The following ANKRD9 variants were observed in gnomAD, a reference collection of about 807,000 sequenced individuals.
The protein encoded by ANKRD9 is ankyrin repeat domain 9.
Under a neutral mutation model 19.2 loss-of-function variants are expected in ANKRD9, and 13 were observed. The observed-to-expected ratio is 0.68, with a 90% confidence interval of 0.44 to 1.08. The LOEUF is 1.08. Among genes scored for constraint, ANKRD9 ranks in the 50% least tolerant of loss-of-function variants. ANKRD9 has a pLI of 0.00. For synonymous variants in ANKRD9, 278 were observed against 256.8 expected, an observed-to-expected ratio of 1.08 and a Z score of -0.79; for missense variants, 518 against 499.9, an observed-to-expected ratio of 1.04 and a Z score of -0.34.
chr14:102,502,389 G>C lies in ANKRD9; in HGVS notation c.*4547C>G, dbSNP rs1555456087. On this transcript the variant is annotated 3_prime_UTR_variant, in exon 4 of 4. Coordinates refer to ENST00000286918, the MANE Select transcript of ANKRD9 (RefSeq NM_152326.4). Reference sequence around the variant, plus strand: ...CAGCAGCTGGTCATAGTGGTTGCCTGGAGTATATGCCTTTTTGTATCCTTT... The same window carrying C: ...CAGCAGCTGGTCATAGTGGTTGCCTCGAGTATATGCCTTTTTGTATCCTTT... The C allele has an allele frequency of 6.6e-6, 1 of 152,636 alleles. No individual in the cohort carries two copies. The highest frequency in any genetic ancestry group is 1.5e-5 in the Non-Finnish European group (1 of 68,040). The allele number at this position is 152,636 out of a possible 1,614,324, so 9.5% of individuals were successfully genotyped here. A position where few individuals can be genotyped will look rare whatever the true frequency, so the allele number is the denominator to read the frequency against.
At position 102,507,362 on chromosome 14, in the gene ANKRD9, G is replaced by A. The variant is rs751232389; in HGVS notation, c.528C>T (p.Phe176=). The part of the protein sequence containing the change: ...ACELARPECL[F]LLLGHGASPG... ...GCGAGGCGCCGTGGCCCAGCAGCAGGAAGAGGCACTCGGGGCGCGCCAGCT... is the reference window on the plus strand; with the variant it reads ...GCGAGGCGCCGTGGCCCAGCAGCAGAAAGAGGCACTCGGGGCGCGCCAGCT... Residue 176 remains phenylalanine (F), a synonymous_variant, in exon 4 of 4, where the codon TTC becomes TTT. Transcript: ENST00000286918. This position sits in a 1 kb window ranked among gnomAD's most constrained non-coding sequence, Gnocchi z 9.2. 4.5e-3 allele frequency: 5,941 copies of A among 1,332,784 alleles called. 57 individuals are homozygous for A. Among genetic ancestry groups the A allele is most frequent in the Non-Finnish European group, 4.0e-3 (4,151 of 1,039,228 alleles). The allele number at this position is 1,332,784 out of a possible 1,614,324, so 82.6% of individuals were successfully genotyped here. A position where few individuals can be genotyped will look rare whatever the true frequency, so the allele number is the denominator to read the frequency against.
Position 102,507,646 on chromosome 14 carries a change from G to A in ANKRD9, c.244C>T (p.His82Tyr). The change falls in exon 4 of 4, where the codon CAC (histidine) becomes TAC (tyrosine). Residue 82 changes from histidine (H) to tyrosine (Y), a missense_variant. Coordinates refer to ENST00000286918, the MANE Select transcript of ANKRD9 (RefSeq NM_152326.4). This position sits in a 1 kb window ranked among gnomAD's most constrained non-coding sequence, Gnocchi z 9.2. Reference protein sequence around the residue: ...PSEALLYALVHDHQAYAHYLL... With the variant: ...PSEALLYALVYDHQAYAHYLL... ...TAATGCGCGTACGCTTGGTGGTCGT[G>A]CACGAGCGCGTAGAGCAGCGCCTCA... 2 of 1,542,810 alleles carry A rather than the reference G, an allele frequency of 1.3e-6. No homozygotes were observed. The highest frequency in any genetic ancestry group is 1.7e-6 in the Non-Finnish European group (2 of 1,149,526).
rs56398423 is a variant in ANKRD9, at chr14:102,502,620, A to G, written c.*4316T>C. On this transcript the variant is annotated 3_prime_UTR_variant, in exon 4 of 4. Transcript: ENST00000286918. ...ACTACATTAAGGTTAAAAAAATACT[A>G]AATTGTGTAACTGATCTGGTTTCAT... is the stretch of plus-strand genomic sequence containing the variant. The G allele has an allele frequency of 0.022, 3,407 of 152,396 alleles. 57 individuals are homozygous for G. Among genetic ancestry groups the G allele is most frequent in the African/African-American group, 0.034 (1,410 of 41,560 alleles). 9.4% of individuals were successfully genotyped at this position (152,396 alleles called of 1,614,324 possible).
Position 102,506,822 on chromosome 14 carries a change from T to TGGGG in ANKRD9, c.*113_*114insCCCC, listed in dbSNP as rs1891600187. 1.8e-5 allele frequency: 22 copies of TGGGG among 1,255,808 alleles called. No homozygotes were observed. Among genetic ancestry groups the TGGGG allele is most frequent in the Non-Finnish European group, 2.2e-5 (22 of 995,132 alleles). 77.8% of individuals were successfully genotyped at this position (1,255,808 alleles called of 1,614,324 possible). Reference sequence around the variant, plus strand: ...CCATCCAAGCCCAGCCCCCAGTGCATGCGACAGATGAGGCAGAGATTGTGC... The same window carrying TGGGG: ...CCATCCAAGCCCAGCCCCCAGTGCATGGGGGCGACAGATGAGGCAGAGATTGTGC... On this transcript the variant is annotated 3_prime_UTR_variant, in exon 4 of 4. Coordinates refer to ENST00000286918, the MANE Select transcript of ANKRD9 (RefSeq NM_152326.4).
chr14:102,507,153 G>C lies in ANKRD9; in HGVS notation c.737C>G (p.Ser246Trp). Residue 246 changes from serine (S) to tryptophan (W), a missense_variant, in exon 4 of 4, where the codon TCG (serine) becomes TGG (tryptophan). By Grantham distance (177) the Ser-to-Trp change is radical. Coordinates refer to ENST00000286918, the MANE Select transcript of ANKRD9 (RefSeq NM_152326.4). The surrounding 1 kb of genome is among the most constrained non-coding windows in gnomAD (Gnocchi z 9.2). ...GTCGCCCAGCAGCTCCTGGCGGGCC[G>C]AGCCGGCGGCACCCACGGGGGTGTA... is the stretch of plus-strand genomic sequence containing the variant. ...ALYTPVGAAGSARQELLGDRP... is the reference protein window; with the variant it reads ...ALYTPVGAAGWARQELLGDRP... 1 of 1,426,824 alleles carries C rather than the reference G, an allele frequency of 7.0e-7. No individual in the cohort carries two copies. Among genetic ancestry groups the C allele is most frequent in the Non-Finnish European group, 9.1e-7 (1 of 1,097,860 alleles). 88.4% of individuals were successfully genotyped at this position (1,426,824 alleles called of 1,614,324 possible).
Position 102,505,833 on chromosome 14 carries a change from T to C in ANKRD9, c.*1103A>G, listed in dbSNP as rs942023. ...CAGGTGCCCCCCACCAGGATAGTGG[T>C]TCTTCCTCCTGCAGACCTTCAGCCC... On this transcript the variant is annotated 3_prime_UTR_variant, in exon 4 of 4. Coordinates refer to ENST00000286918, the MANE Select transcript of ANKRD9 (RefSeq NM_152326.4). The C allele has an allele frequency of 0.7, 106,780 of 152,220 alleles. 38,100 individuals are homozygous for C. Among genetic ancestry groups the C allele is most frequent in the African/African-American group, 0.83 (34,309 of 41,462 alleles). The allele number at this position is 152,220 out of a possible 1,614,324, so 9.4% of individuals were successfully genotyped here. A position where few individuals can be genotyped will look rare whatever the true frequency, so the allele number is the denominator to read the frequency against.
Position 102,507,673 on chromosome 14 carries a change from A to G in ANKRD9, c.217T>C (p.Ser73Pro), listed in dbSNP as rs1354903456. 5 of 1,555,830 alleles carry G rather than the reference A, an allele frequency of 3.2e-6. No individual in the cohort carries two copies. Among genetic ancestry groups the G allele is most frequent in the Non-Finnish European group, 3.5e-6 (4 of 1,156,534 alleles). ...ERGRAAAYSP[S>P]EALLYALVHD... ...ACGAGCGCGTAGAGCAGCGCCTCAG[A>G]GGGCGAGTAGGCGGCGGCGCGCCCG... The change falls in exon 4 of 4, where the codon TCT (serine) becomes CCT (proline). Residue 73 changes from serine (S) to proline (P), a missense_variant. Ser to Pro is a moderately conservative substitution (Grantham distance 74, BLOSUM62 -1). Coordinates refer to ENST00000286918, the MANE Select transcript of ANKRD9 (RefSeq NM_152326.4). This position sits in a 1 kb window ranked among gnomAD's most constrained non-coding sequence, Gnocchi z 9.2.
In ANKRD9 at chr14:102,503,074, G is replaced by C. The variant is rs1035444446; in HGVS notation, c.*3862C>G. On this transcript the variant is annotated 3_prime_UTR_variant, in exon 4 of 4. Coordinates refer to ENST00000286918, the MANE Select transcript of ANKRD9 (RefSeq NM_152326.4). ...CTACAAATACAAAAATTAGCCGGGC[G>C]TGGTGGCCAGCGCCTGTAATCCCAG... is the stretch of plus-strand genomic sequence containing the variant. The C allele has an allele frequency of 6.6e-6, 1 of 151,808 alleles. No homozygotes were observed. The highest frequency in any genetic ancestry group is 2.4e-5 in the African/African-American group (1 of 41,350). The allele number at this position is 151,808 out of a possible 1,614,324, so 9.4% of individuals were successfully genotyped here. A position where few individuals can be genotyped will look rare whatever the true frequency, so the allele number is the denominator to read the frequency against.
rs1046766949 is a variant in ANKRD9, at chr14:102,502,764, G to C, written c.*4172C>G. 1.3e-5 allele frequency: 2 copies of C among 152,230 alleles called. No homozygotes were observed. The highest frequency in any genetic ancestry group is 4.8e-5 in the African/African-American group (2 of 41,462). The allele number at this position is 152,230 out of a possible 1,614,324, so 9.4% of individuals were successfully genotyped here. ...TGCGTGCAGATGACGCACTCAGTCA[G>C]CGCCTTTACTTGTACGTGAGCGCTT... On this transcript the variant is annotated 3_prime_UTR_variant, in exon 4 of 4. Coordinates refer to ENST00000286918, the MANE Select transcript of ANKRD9 (RefSeq NM_152326.4).
rs988742992 is a variant in ANKRD9, at chr14:102,502,677, A to C, written c.*4259T>G. The C allele has an allele frequency of 6.6e-6, 1 of 152,212 alleles. No individual in the cohort carries two copies. The highest frequency in any genetic ancestry group is 1.5e-5 in the Non-Finnish European group (1 of 68,036). 9.4% of individuals were successfully genotyped at this position (152,212 alleles called of 1,614,324 possible). ...ATAAATATACACAGAAAAAAATGTA[A>C]TATATATCTGCACAGAAAAAAGCTG... is the stretch of plus-strand genomic sequence containing the variant. On this transcript the variant is annotated 3_prime_UTR_variant, in exon 4 of 4. Coordinates refer to ENST00000286918, the MANE Select transcript of ANKRD9 (RefSeq NM_152326.4).
Position 102,507,668 on chromosome 14 carries a change from C to G in ANKRD9, c.222G>C (p.Glu74Asp). Reference protein sequence around the residue: ...RGRAAAYSPSEALLYALVHDH... With the variant: ...RGRAAAYSPSDALLYALVHDH... Reference sequence around the variant, plus strand: ...CGTGCACGAGCGCGTAGAGCAGCGCCTCAGAGGGCGAGTAGGCGGCGGCGC... The same window carrying G: ...CGTGCACGAGCGCGTAGAGCAGCGCGTCAGAGGGCGAGTAGGCGGCGGCGC... Residue 74 changes from glutamate (E) to aspartate (D), a missense_variant, in exon 4 of 4, where the codon GAG (glutamate) becomes GAC (aspartate). Physicochemically the swap from Glu to Asp is conservative, Grantham distance 45 (BLOSUM62 2). Coordinates refer to ENST00000286918, the MANE Select transcript of ANKRD9 (RefSeq NM_152326.4). The surrounding 1 kb of genome is among the most constrained non-coding windows in gnomAD (Gnocchi z 9.2). The G allele has an allele frequency of 6.4e-7, 1 of 1,555,180 alleles. No individual in the cohort carries two copies. Among genetic ancestry groups the G allele is most frequent in the Non-Finnish European group, 8.7e-7 (1 of 1,155,868 alleles).
Position 102,507,804 on chromosome 14 carries a change from T to C in ANKRD9, c.86A>G (p.Gln29Arg), listed in dbSNP as rs1327440316. ...SGAARSRAQK[Q>R]CRKSSFAFYQ... ...GAAGGCGAACGACGACTTGCGGCACTGCTTCTGCGCTCGCGAGCGCGCCGC... is the reference window on the plus strand; with the variant it reads ...GAAGGCGAACGACGACTTGCGGCACCGCTTCTGCGCTCGCGAGCGCGCCGC... The change falls in exon 4 of 4, where the codon CAG (glutamine) becomes CGG (arginine). Residue 29 changes from glutamine (Q) to arginine (R), a missense_variant. Coordinates refer to ENST00000286918, the MANE Select transcript of ANKRD9 (RefSeq NM_152326.4). This position sits in a 1 kb window ranked among gnomAD's most constrained non-coding sequence, Gnocchi z 9.2. 4 of 1,446,984 alleles carry C rather than the reference T, an allele frequency of 2.8e-6. No homozygotes were observed. Among genetic ancestry groups the C allele is most frequent in the Middle Eastern group, 1.8e-4 (1 of 5,434 alleles). 89.6% of individuals were successfully genotyped at this position (1,446,984 alleles called of 1,614,324 possible).
chr14:102,508,087 C>T lies in ANKRD9; in HGVS notation c.-53-145G>A. The T allele has an allele frequency of 2.6e-6, 1 of 378,644 alleles. No individual in the cohort carries two copies. Among genetic ancestry groups the T allele is most frequent in the Non-Finnish European group, 3.8e-6 (1 of 260,434 alleles). 23.5% of individuals were successfully genotyped at this position (378,644 alleles called of 1,614,324 possible). A position where few individuals can be genotyped will look rare whatever the true frequency, so the allele number is the denominator to read the frequency against. On this transcript the variant is annotated intron_variant, in intron 3 of 3. Coordinates refer to ENST00000286918, the MANE Select transcript of ANKRD9 (RefSeq NM_152326.4). This position sits in a 1 kb window ranked among gnomAD's most constrained non-coding sequence, Gnocchi z 6.2. ...GCCTCGGCCAGGCCCTTCCAGTCAC[C>T]CTACAGCTCCATCTCTCCGACGCCC... is the stretch of plus-strand genomic sequence containing the variant.
At position 102,507,449 on chromosome 14, in the gene ANKRD9, C is replaced by G; in HGVS notation, c.441G>C (p.Val147=). The G allele has an allele frequency of 7.2e-7, 1 of 1,394,314 alleles. No individual in the cohort carries two copies. The highest frequency in any genetic ancestry group is 9.3e-7 in the Non-Finnish European group (1 of 1,070,048). 86.4% of individuals were successfully genotyped at this position (1,394,314 alleles called of 1,614,324 possible). A position where few individuals can be genotyped will look rare whatever the true frequency, so the allele number is the denominator to read the frequency against. The change falls in exon 4 of 4, where the codon GTG becomes GTC. Residue 147 remains valine, a synonymous_variant. Transcript: ENST00000286918. The surrounding 1 kb of genome is among the most constrained non-coding windows in gnomAD (Gnocchi z 9.2). ...CGCGGCTGCAGCCACGCCGGTCCAG[C>G]ACGCGCGCCCGCTCCTCGGCCGGGA... The part of the protein sequence containing the change: ...RDFPAEERAR[V]LDRRGCSRVE...
Position 102,507,666 on chromosome 14 carries a change from G to A in ANKRD9, c.224C>T (p.Ala75Val). The A allele has an allele frequency of 6.4e-7, 1 of 1,554,008 alleles. No individual in the cohort carries two copies. Among genetic ancestry groups the A allele is most frequent in the Non-Finnish European group, 8.7e-7 (1 of 1,155,230 alleles). The change falls in exon 4 of 4, where the codon GCG becomes GTG. Residue 75 changes from alanine (A) to valine (V), a missense_variant. Coordinates refer to ENST00000286918, the MANE Select transcript of ANKRD9 (RefSeq NM_152326.4). The surrounding 1 kb of genome is among the most constrained non-coding windows in gnomAD (Gnocchi z 9.2). ...GTCGTGCACGAGCGCGTAGAGCAGC[G>A]CCTCAGAGGGCGAGTAGGCGGCGGC... ...GRAAAYSPSEALLYALVHDHQ... is the reference protein window; with the variant it reads ...GRAAAYSPSEVLLYALVHDHQ...
In ANKRD9 at chr14:102,503,053, A is replaced by T. The variant is rs941637503; in HGVS notation, c.*3883T>A. ...CATGCTGAAACCCAGTCTCTACTAC[A>T]AATACAAAAATTAGCCGGGCGTGGT... On this transcript the variant is annotated 3_prime_UTR_variant, in exon 4 of 4. Coordinates refer to ENST00000286918, the MANE Select transcript of ANKRD9 (RefSeq NM_152326.4). 1.3e-5 allele frequency: 2 copies of T among 151,856 alleles called. No individual in the cohort carries two copies. Among genetic ancestry groups the T allele is most frequent in the Admixed American group, 1.3e-4 (2 of 15,222 alleles). The allele number at this position is 151,856 out of a possible 1,614,324, so 9.4% of individuals were successfully genotyped here. A position where few individuals can be genotyped will look rare whatever the true frequency, so the allele number is the denominator to read the frequency against.
Position 102,507,904 on chromosome 14 carries a change from G to C in ANKRD9, c.-15C>G. 9.0e-7 allele frequency: 1 copy of C among 1,108,700 alleles called. No homozygotes were observed. Among genetic ancestry groups the C allele is most frequent in the Non-Finnish European group, 1.1e-6 (1 of 899,502 alleles). The allele number at this position is 1,108,700 out of a possible 1,614,324, so 68.7% of individuals were successfully genotyped here. On this transcript the variant is annotated 5_prime_UTR_variant, in exon 4 of 4. Transcript: ENST00000286918. The surrounding 1 kb of genome is among the most constrained non-coding windows in gnomAD (Gnocchi z 9.2). ...TCCCACGGCATGCTGGCGGCGGGGC[G>C]TTCCTGGGCCTCAAGGCATGGATCC...
chr14:102,507,692 G>A lies in ANKRD9; in HGVS notation c.198C>T (p.Arg66=), dbSNP rs1462547346. The change falls in exon 4 of 4, where the codon CGC becomes CGT. Residue 66 remains arginine (R), a synonymous_variant. Transcript: ENST00000286918. The surrounding 1 kb of genome is among the most constrained non-coding windows in gnomAD (Gnocchi z 9.2). ...CCTCAGAGGGCGAGTAGGCGGCGGC[G>A]CGCCCGCGCTCGTCCCAGTGGAAGG... ...SEAFHWDERG[R]AAAYSPSEAL... is the part of the protein sequence containing the mutation. The A allele has an allele frequency of 3.9e-6, 6 of 1,550,408 alleles. No individual in the cohort carries two copies. Among genetic ancestry groups the A allele is most frequent in the Middle Eastern group, 1.7e-4 (1 of 5,908 alleles).
Position 102,507,903 on chromosome 14 carries a change from C to A in ANKRD9, c.-14G>T. On this transcript the variant is annotated 5_prime_UTR_variant, in exon 4 of 4. Transcript: ENST00000286918. The surrounding 1 kb of genome is among the most constrained non-coding windows in gnomAD (Gnocchi z 9.2). ...GTCCCACGGCATGCTGGCGGCGGGG[C>A]GTTCCTGGGCCTCAAGGCATGGATC... The A allele has an allele frequency of 3.6e-6, 4 of 1,108,488 alleles. No individual in the cohort carries two copies. Among genetic ancestry groups the A allele is most frequent in the Non-Finnish European group, 3.3e-6 (3 of 899,460 alleles). The allele number at this position is 1,108,488 out of a possible 1,614,324, so 68.7% of individuals were successfully genotyped here. A position where few individuals can be genotyped will look rare whatever the true frequency, so the allele number is the denominator to read the frequency against.
Sources: allele counts gnomAD v4.1 joint callset, GRCh38; gene constraint gnomAD v4.1.1; non-coding constraint Gnocchi (gnomAD v3.1); transcripts MANE v1.5; gene names NCBI Gene and HGNC (gene_info 2026-07-23, HGNC 2026-07-21).